TSPAN2: variants seen among roughly 807,000 people sequenced by gnomAD.
The protein encoded by TSPAN2 is tetraspanin 2.
In TSPAN2, 24 loss-of-function variants were observed where a neutral mutation model predicts 33.3. The observed-to-expected ratio is 0.72, with a 90% confidence interval of 0.52 to 1.01. TSPAN2 has a LOEUF of 1.01. TSPAN2 is among the 50% of genes least tolerant of loss of function. TSPAN2 has a pLI of 0.00. For missense variants in TSPAN2, 278 were observed against 281.3 expected (o/e 0.99, Z 0.08); for synonymous variants, 114 against 104.5 (o/e 1.09, Z -0.56).
chr1:115,069,521 T>A (rs547972291), intron 2 of TSPAN2, among the ~76,000 whole-genome samples: 23 of 152,272 alleles, frequency 1.5e-4, no homozygotes, highest in Admixed American at 8.5e-4. Flanking sequence ...CTGACGGCCG[T>A]TTTATCACAT....
At chr1:115,060,600 C>CCCAAGCTAGTCTTAA in intron 3 of TSPAN2, 62 bp from the exon 4 acceptor site, 1 of 1,372,110 alleles carries the variant, frequency 7.3e-7, no homozygotes, top group Non-Finnish European at 1.0e-6. Flanking sequence ...ATATATTTTG[C>CCCAAGCTAGTCTTAA]ACCTTAGTTT....
In TSPAN2 at chr1:115,053,433, G is replaced by A; in HGVS notation, c.546C>T (p.Ile182=). 9.9e-6 allele frequency: 16 copies of A among 1,613,880 alleles called. No individual in the cohort carries two copies. Among genetic ancestry groups the A allele is most frequent in the Non-Finnish European group, 1.4e-5 (16 of 1,179,880 alleles). Residue 182 remains isoleucine, a synonymous_variant, in exon 7 of 8, where the codon ATC becomes ATT. Transcript: ENST00000369516. ...TTCCAATGAGCTGGAGCTTAACACT[G>A]ATTATGGTCTCAATTTCATCGATGC... The part of the protein sequence containing the change: ...KNCIDEIETI[I]SVKLQLIGIV...
chr1:115,055,554 C>T (rs1285236237), intron 6 of TSPAN2, among the ~76,000 whole-genome samples: 2 of 151,524 alleles, frequency 1.3e-5, no homozygotes, highest in Non-Finnish European at 2.9e-5. Context: ...GACAGAGTCT[C>T]GCTCTCTCAC....
At chr1:115,055,031 A>G (rs189317722) in intron 6 of TSPAN2, among the ~76,000 whole-genome samples, 1 of 152,212 alleles carries the variant, frequency 6.6e-6, no homozygotes, top group Non-Finnish European at 1.5e-5. Context: ...AGTTAACTTC[A>G]TATCCTGCTT....
At chr1:115,056,685 T>C (rs1042261522) in intron 6 of TSPAN2, among the ~76,000 whole-genome samples, 2 of 152,230 alleles carry the variant, frequency 1.3e-5, no homozygotes, top group Non-Finnish European at 2.9e-5. Flanking sequence ...CCGAGCACGT[T>C]GCACATTCCA....
chr1:115,078,851 T>C (rs956204070), intron 1 of TSPAN2, among the ~76,000 whole-genome samples: 2 of 152,242 alleles, frequency 1.3e-5, no homozygotes, highest in Non-Finnish European at 2.9e-5. Flanking sequence ...AAGGGAATAC[T>C]TCACAAAGTG....
chr1:115,072,948 C>T lies in TSPAN2; in HGVS notation c.129G>A (p.Lys43=), dbSNP rs369043997. 2.3e-5 allele frequency: 37 copies of T among 1,614,104 alleles called. No homozygotes were observed. The highest frequency in any genetic ancestry group is 5.0e-5 in the Admixed American group (3 of 60,010). ...GGGACTTGTCCTCTGATGATAACTCCTTTATGGCACCTCCGAACCGAAACC... is the reference window on the plus strand; with the variant it reads ...GGGACTTGTCCTCTGATGATAACTCTTTTATGGCACCTCCGAACCGAAACC... The part of the protein sequence containing the change: ...GLWFRFGGAI[K]ELSSEDKSPE... Residue 43 remains lysine, a synonymous_variant, in exon 2 of 8, where the codon AAG becomes AAA. Transcript: ENST00000369516.
intron 2 of TSPAN2, among the ~76,000 whole-genome samples, chr1:115,072,420 TTA>T (rs1375022004): frequency 6.6e-6 from 1 of 152,152 alleles, no homozygotes; most frequent in East Asian, 1.9e-4. Context: ...GTATTTTGAG[TTA>T]TGTTTTTTCC....
At position 115,050,498 on chromosome 1, in the gene TSPAN2, CAT is replaced by C. The variant is rs1313253777; in HGVS notation, c.656_657del (p.Asp219GlyfsTer33). 1 of 1,614,022 alleles carries C rather than the reference CAT, an allele frequency of 6.2e-7. No individual in the cohort carries two copies. Among genetic ancestry groups the C allele is most frequent in the Non-Finnish European group, 8.5e-7 (1 of 1,179,916 alleles). ...TTCATGTAGAAGTAGCTTCATATCA[CAT>C]CTCGTGAGTTTCGTATCGCACAGCA... ...VLCCAIRNSR[D>X]VI On this transcript the variant is annotated frameshift_variant, in exon 8 of 8. Transcript: ENST00000369516. LOFTEE classifies it high-confidence loss of function.
rs550457453 is a variant in TSPAN2, at chr1:115,075,611, C to T, written c.70-2604G>A. 1.8e-4 allele frequency among the ~76,000 whole-genome samples: 27 copies of T among 152,178 alleles called. No homozygotes were observed. The South Asian group carries it at 5.6e-3, about 32-fold the overall frequency. Reference sequence around the variant, plus strand: ...ACACCAGTTCCAGTCCAGTCAGGAACAAAGTGAGCATGTCAGTGTCACTAA... The same window carrying T: ...ACACCAGTTCCAGTCCAGTCAGGAATAAAGTGAGCATGTCAGTGTCACTAA... On this transcript the variant is annotated intron_variant, in intron 1 of 7. Coordinates refer to ENST00000369516, the MANE Select transcript of TSPAN2 (RefSeq NM_005725.6).
At chr1:115,078,751 T>C (rs1382579793) in intron 1 of TSPAN2, among the ~76,000 whole-genome samples, 1 of 152,138 alleles carries the variant, frequency 6.6e-6, no homozygotes, top group African/African-American at 2.4e-5. Flanking sequence ...GCCACCCCAC[T>C]CTGTGGTATT....
rs541587573 is a variant in TSPAN2, at chr1:115,085,803, G to A, written c.69+3561C>T. ...AGGTGCCTGTTTCAGTTGCCTCTTC[G>A]CTCTAGTTGCTGCCTCCACCCCCAC... On this transcript the variant is annotated intron_variant, in intron 1 of 7. Coordinates refer to ENST00000369516, the MANE Select transcript of TSPAN2 (RefSeq NM_005725.6). Among the ~76,000 whole-genome samples the A allele has an allele frequency of 6.6e-5, 10 of 152,070 alleles. No homozygotes were observed. In the South Asian group the frequency reaches 1.2e-3, roughly 19 times the overall value.
chr1:115,089,316 G>GCCC, intron 1 of TSPAN2, 48 bp downstream of exon 1: 15 of 1,012,752 alleles, frequency 1.5e-5, no homozygotes, highest in Non-Finnish European at 2.0e-5. Flanking sequence ...CCCCGCGCCC[G>GCCC]CCACCCGGCC....
At chr1:115,086,382 T>G (rs1648837644) in intron 1 of TSPAN2, among the ~76,000 whole-genome samples, 1 of 152,176 alleles carries the variant, frequency 6.6e-6, no homozygotes, top group Admixed American at 6.5e-5. Flanking sequence ...TGGCGCACAC[T>G]CCCCCTTGCT....
chr1:115,070,662 C>T (rs1340749241), intron 2 of TSPAN2, among the ~76,000 whole-genome samples: 1 of 152,044 alleles, frequency 6.6e-6, no homozygotes, highest in Non-Finnish European at 1.5e-5. Flanking sequence ...ATGCCTTCCC[C>T]TCAGCCTTTC....
intron 2 of TSPAN2, among the ~76,000 whole-genome samples, chr1:115,070,126 G>A (rs1648107930): frequency 6.6e-6 from 1 of 152,066 alleles, no homozygotes; most frequent in Non-Finnish European, 1.5e-5. Flanking sequence ...CTGATGGAGC[G>A]GGGGCCCCTT....
chr1:115,087,982 T>G (rs1399846541), intron 1 of TSPAN2, among the ~76,000 whole-genome samples: 1 of 152,252 alleles, frequency 6.6e-6, no homozygotes, highest in Non-Finnish European at 1.5e-5. Flanking sequence ...GTTGTCACTG[T>G]GGCGTGACAT....
At chr1:115,071,065 AGATTCC>A (rs1648153075) in intron 2 of TSPAN2, among the ~76,000 whole-genome samples, 1 of 152,154 alleles carries the variant, frequency 6.6e-6, no homozygotes, top group Non-Finnish European at 1.5e-5. Flanking sequence ...TGTCTACGGC[AGATTCC>A]TCTGCTTTTT....
At chr1:115,076,229 A>G (rs1317049003) in intron 1 of TSPAN2, among the ~76,000 whole-genome samples, 1 of 152,204 alleles carries the variant, frequency 6.6e-6, no homozygotes, top group Non-Finnish European at 1.5e-5. Context: ...CAGAGATGGT[A>G]GTACAGAGGT....
Sources: gnomAD v4.1 joint callset for allele counts (sites outside exome capture counted in the v4.1 genomes callset) on GRCh38, gnomAD v4.1.1 for gene constraint, MANE v1.5 for transcripts, NCBI Gene and HGNC (gene_info 2026-07-23, HGNC 2026-07-21) for gene names.